IQSEC1: variants seen among roughly 807,000 people sequenced by gnomAD.
IQSEC1 encodes the protein IQ motif and Sec7 domain ArfGEF 1, also known as IQ motif and SEC7 domain-containing protein 1.
Under a neutral mutation model 91.0 loss-of-function variants are expected in IQSEC1, and 31 were observed. The ratio of observed to expected loss-of-function variants is 0.34; its 90% CI spans 0.26 to 0.46. The LOEUF (loss-of-function observed/expected upper bound fraction) is 0.46. Among genes scored for constraint, IQSEC1 ranks in the 20% least tolerant of loss-of-function variants. The probability of loss-of-function intolerance (pLI) is 1.00; values close to 1 mark genes in which losing one functional copy is unlikely to be tolerated. For synonymous variants in IQSEC1, 699 were observed against 662.6 expected (o/e 1.05, Z -0.84); for missense variants, 1,388 against 1,575.6 (o/e 0.88, Z 2.02).
chr3:12,934,427 A>G (rs1417774930), intron 3 of IQSEC1, among the ~76,000 whole-genome samples: 1 of 152,190 alleles, frequency 6.6e-6, no homozygotes, highest in Non-Finnish European at 1.5e-5. Context: ...AAGAGAGAAC[A>G]GGGGGCAGAC....
chr3:12,988,003 T>A lies in IQSEC1; in HGVS notation c.24-46138A>T, dbSNP rs374403081. On this transcript the variant is annotated intron_variant, in intron 1 of 13. Coordinates refer to ENST00000613206, the MANE Select transcript of IQSEC1 (RefSeq NM_001134382.3). The stretch of plus-strand genomic sequence containing the variant: ...TGTGCCCCAGAGACAGCTCATGCCA[T>A]GTGTGCTGGGACACAGGTTCAAGAG... Among the ~76,000 whole-genome samples, 191 of 152,348 alleles carry A rather than the reference T, an allele frequency of 1.3e-3. 1 individual carries two copies. The highest frequency in any genetic ancestry group is 4.4e-3 in the African/African-American group (183 of 41,580).
At chr3:13,163,547 C>T (rs1006302738) in intron 2 of IQSEC1, among the ~76,000 whole-genome samples, 1 of 151,988 alleles carries the variant, frequency 6.6e-6, no homozygotes, top group Admixed American at 6.5e-5. Context: ...CTGTCTCAGA[C>T]CAGACCCTCT....
intron 2 of IQSEC1, among the ~76,000 whole-genome samples, chr3:13,161,973 G>A (rs983080403): frequency 1.3e-5 from 2 of 152,144 alleles, no homozygotes; most frequent in East Asian, 1.9e-4. Flanking sequence ...TTCCCCCACC[G>A]AAATGTCGTT....
At chr3:13,231,954 C>A (rs142900288) in intron 1 of IQSEC1, among the ~76,000 whole-genome samples, 1 of 152,374 alleles carries the variant, frequency 6.6e-6, no homozygotes, top group Non-Finnish European at 1.5e-5. Flanking sequence ...GGTGCTCCCA[C>A]GCCGAGAGGC....
chr3:12,914,696 C>A (rs1156458518), intron 8 of IQSEC1, among the ~76,000 whole-genome samples: 1 of 151,994 alleles, frequency 6.6e-6, no homozygotes, highest in Non-Finnish European at 1.5e-5. Context: ...GGCGTGTGGG[C>A]ACACCACAAA....
intron 2 of IQSEC1, among the ~76,000 whole-genome samples, chr3:12,941,343 G>C (rs950523231): frequency 6.6e-5 from 10 of 152,220 alleles, no homozygotes; most frequent in Admixed American, 6.5e-5. Context: ...AGGAACGCCA[G>C]ACAACCCAGG....
intron 3 of IQSEC1, among the ~76,000 whole-genome samples, chr3:12,932,484 C>T (rs1697767888): frequency 6.6e-6 from 1 of 152,212 alleles, no homozygotes; most frequent in African/African-American, 2.4e-5. Flanking sequence ...TAGCGCGTGA[C>T]AGGCCCTGGG....
intron 2 of IQSEC1, among the ~76,000 whole-genome samples, chr3:13,131,160 TC>T (rs1391705027): frequency 3.3e-5 from 5 of 152,208 alleles, no homozygotes; most frequent in South Asian, 2.1e-4. Flanking sequence ...TTGAGTGTGT[TC>T]TAACTTTAGG....
chr3:13,176,558 C>T (rs532668648), intron 1 of IQSEC1, among the ~76,000 whole-genome samples: 1 of 152,348 alleles, frequency 6.6e-6, no homozygotes, highest in Admixed American at 6.5e-5. Context: ...AGTTCCCCCT[C>T]CTGAAGCAAG....
At chr3:12,996,170 C>CT (rs556555902) in intron 1 of IQSEC1, among the ~76,000 whole-genome samples, 2,599 of 148,048 alleles carry the variant, frequency 0.018, 35 homozygotes, top group Middle Eastern at 0.035. Flanking sequence ...CTTAAAAACA[C>CT]TTTTTTTTTT....
chr3:12,978,690 G>A (rs1701306927), intron 1 of IQSEC1, among the ~76,000 whole-genome samples: 1 of 143,864 alleles, frequency 7.0e-6, no homozygotes, highest in African/African-American at 2.7e-5. Flanking sequence ...GGGCAATAGA[G>A]CGAGGCTCAG....
chr3:12,980,633 A>G (rs1046514739), intron 1 of IQSEC1, among the ~76,000 whole-genome samples: 2 of 152,168 alleles, frequency 1.3e-5, no homozygotes, highest in Admixed American at 1.3e-4. Context: ...TTCCACATTC[A>G]ATGCCCTGCC....
intron 12 of IQSEC1, among the ~76,000 whole-genome samples, chr3:12,903,105 A>G (rs1694558008): frequency 6.6e-6 from 1 of 152,200 alleles, no homozygotes; most frequent in Non-Finnish European, 1.5e-5. Flanking sequence ...CTGGACCAGG[A>G]GTCTGTTGAG....
intron 3 of IQSEC1, among the ~76,000 whole-genome samples, chr3:12,929,869 C>A (rs1697514047): frequency 6.6e-6 from 1 of 152,238 alleles, no homozygotes; most frequent in Non-Finnish European, 1.5e-5. Context: ...CTGCTGTGTG[C>A]TCCCAGGTCT....
chr3:12,930,286 C>T (rs1188789472), intron 3 of IQSEC1, among the ~76,000 whole-genome samples: 5 of 152,222 alleles, frequency 3.3e-5, no homozygotes, highest in Admixed American at 2.6e-4. Context: ...GCAGCTGGGA[C>T]CACAGGCATG....
intron 1 of IQSEC1, among the ~76,000 whole-genome samples, chr3:13,255,317 G>A (rs1695267579): frequency 6.6e-6 from 1 of 152,180 alleles, no homozygotes; most frequent in Non-Finnish European, 1.5e-5. Context: ...ACGGAGGTCT[G>A]TCCCCTGATC....
intron 1 of IQSEC1, among the ~76,000 whole-genome samples, chr3:13,192,159 C>T (rs182021292): frequency 5.3e-5 from 8 of 151,870 alleles, no homozygotes; most frequent in African/African-American, 1.9e-4. Context: ...CACGGTGGAA[C>T]CCCGTCTCTA....
Position 13,207,340 on chromosome 3 carries a change from G to A in IQSEC1, c.273-43207C>T, listed in dbSNP as rs1341464319. Among the ~76,000 whole-genome samples, 3 of 151,888 alleles carry A rather than the reference G, an allele frequency of 2.0e-5. No homozygotes were observed. The highest frequency in any genetic ancestry group is 2.9e-5 in the Non-Finnish European group (2 of 67,982). On this transcript the variant is annotated intron_variant, in intron 1 of 15. Transcript: ENST00000648114. The surrounding 1 kb of genome is among the most constrained non-coding windows in gnomAD (Gnocchi z 4.8). ...AACAGCTTCCGCTCCAACACCCATC[G>A]CCAATCTGCCTACTTCTCCCCCTCC...
rs115907343 is a variant in IQSEC1 at position 13,132,105 on chromosome 3, A to G, written c.302+31999T>C. On this transcript the variant is annotated intron_variant, in intron 2 of 15. Coordinates refer to the IQSEC1 transcript ENST00000648114. The stretch of plus-strand genomic sequence containing the variant: ...GACACTGTACGTTCTACCTTGCTAG[A>G]TATTTTTGTATTCCTCTAAATCTTT... 5.5e-3 allele frequency among the ~76,000 whole-genome samples: 830 copies of G among 152,268 alleles called. 14 individuals carry two copies. Among genetic ancestry groups the G allele is most frequent in the African/African-American group, 0.019 (794 of 41,542 alleles).
Sources: gnomAD v4.1 joint callset for allele counts (sites outside exome capture counted in the v4.1 genomes callset) on GRCh38, gnomAD v4.1.1 for gene constraint, Gnocchi (gnomAD v3.1) non-coding constraint, MANE v1.5 for transcripts, NCBI Gene and HGNC (gene_info 2026-07-23, HGNC 2026-07-21) for gene names.